The following IARS2 variants were observed in gnomAD, a reference collection of about 807,000 sequenced individuals.
IARS2 encodes isoleucine--tRNA ligase, mitochondrial.
IARS2 carries 56 observed loss-of-function variants against 126.3 expected under a neutral mutation model. The ratio of observed to expected loss-of-function variants is 0.44; its 90% CI spans 0.36 to 0.55. The LOEUF is 0.55. IARS2 is among the 20% of genes least tolerant of loss of function. The pLI is 0.00. For missense variants in IARS2, 1,127 were observed against 1,245.9 expected, an observed-to-expected ratio of 0.90 and a Z score of 1.44; for synonymous variants, 407 against 441.1, an observed-to-expected ratio of 0.92 and a Z score of 0.97.
chr1:220,124,740 G>T (rs1003506117), intron 12 of IARS2, among the ~76,000 whole-genome samples: 1 of 152,190 alleles, frequency 6.6e-6, no homozygotes, highest in East Asian at 1.9e-4. Context: ...TTCAAGCAGA[G>T]AATTCGTGTG....
In IARS2 at chr1:220,094,333, G is replaced by T. The variant is rs769346557; in HGVS notation, c.117G>T (p.Arg39Ser). The T allele has an allele frequency of 6.2e-7, 1 of 1,612,986 alleles. No homozygotes were observed. Among genetic ancestry groups the T allele is most frequent in the South Asian group, 1.1e-5 (1 of 91,040 alleles). The stretch of plus-strand genomic sequence containing the variant: ...CGGGATGGCAAGGGGCGACGAAGAG[G>T]CTTCTGGTGCGGTCGGTCTCCGGGG... ...CSPGWQGATK[R>S]LLVRSVSGAS... Residue 39 changes from arginine to serine, a missense_variant, in exon 1 of 23, where the codon AGG (arginine) becomes AGT (serine). Arg to Ser is a moderately radical substitution (Grantham distance 110). Coordinates refer to ENST00000366922, the MANE Select transcript of IARS2 (RefSeq NM_018060.4).
chr1:220,127,890 G>A (rs1486510690), intron 14 of IARS2, among the ~76,000 whole-genome samples: 1 of 137,050 alleles, frequency 7.3e-6, no homozygotes. Flanking sequence ...GTGATTTTCA[G>A]AATTATTATT....
chr1:220,119,795 C>G (rs1657001009), intron 12 of IARS2, among the ~76,000 whole-genome samples: 1 of 152,026 alleles, frequency 6.6e-6, no homozygotes, highest in African/African-American at 2.4e-5. Flanking sequence ...TTAAAAATGT[C>G]AGCTTAGCTC....
At chr1:220,112,672 C>T (rs867224913) in intron 11 of IARS2, among the ~76,000 whole-genome samples, 13 of 150,728 alleles carry the variant, frequency 8.6e-5, no homozygotes, top group African/African-American at 2.2e-4. Flanking sequence ...TATCCTCCCA[C>T]GTCAGCCTCC....
At chr1:220,129,161 C>T (rs953832473) in intron 14 of IARS2, among the ~76,000 whole-genome samples, 1 of 152,136 alleles carries the variant, frequency 6.6e-6, no homozygotes, top group South Asian at 2.1e-4. Context: ...GGATTACAGA[C>T]GTGAGCCACC....
intron 2 of IARS2, among the ~76,000 whole-genome samples, chr1:220,098,490 C>T (rs1487432912): frequency 6.6e-6 from 1 of 152,088 alleles, no homozygotes; most frequent in Non-Finnish European, 1.5e-5. Context: ...CTATAATTTG[C>T]TTTTTTCTCC....
chr1:220,139,265 A>G (rs1657440964), intron 18 of IARS2, 126 bp downstream of exon 18: 1 of 599,638 alleles, frequency 1.7e-6, no homozygotes, highest in Non-Finnish European at 2.7e-6. Context: ...TTGAAGAGAA[A>G]TATGTCCAGA....
At chr1:220,132,654 T>C (rs1468083520) in intron 14 of IARS2, among the ~76,000 whole-genome samples, 1 of 151,696 alleles carries the variant, frequency 6.6e-6, no homozygotes, top group Non-Finnish European at 1.5e-5. Flanking sequence ...TCCTCCCAAG[T>C]AGCTGGGGTT....
At chr1:220,111,149 A>T (rs1656791987) in intron 11 of IARS2, among the ~76,000 whole-genome samples, 1 of 152,160 alleles carries the variant, frequency 6.6e-6, no homozygotes, top group Non-Finnish European at 1.5e-5. Context: ...AAAGAGGTTG[A>T]GTGATTTGTC....
chr1:220,113,460 T>G (rs1656851326), intron 11 of IARS2, among the ~76,000 whole-genome samples: 1 of 152,164 alleles, frequency 6.6e-6, no homozygotes, highest in African/African-American at 2.4e-5. Flanking sequence ...TAAAATGAAG[T>G]TAACATTTTG....
chr1:220,101,721 T>C (rs1170436953), intron 3 of IARS2, among the ~76,000 whole-genome samples: 2 of 147,312 alleles, frequency 1.4e-5, no homozygotes, highest in African/African-American at 5.1e-5. Flanking sequence ...AATTTTGTGC[T>C]CGGGCGCCGT....
chr1:220,134,267 G>A (rs1657323700), intron 14 of IARS2, 135 bp from the exon 15 acceptor site: 2 of 579,626 alleles, frequency 3.5e-6, no homozygotes, highest in Non-Finnish European at 2.9e-6. Flanking sequence ...TGGTTAAGGT[G>A]GCATCTGTCA....
At chr1:220,119,279 G>A (rs1656989119) in intron 12 of IARS2, among the ~76,000 whole-genome samples, 1 of 152,080 alleles carries the variant, frequency 6.6e-6, no homozygotes, top group Admixed American at 6.6e-5. Flanking sequence ...AGGCCTTTGA[G>A]TAAAGTACAA....
At chr1:220,144,832 T>G (rs1419290742) in intron 21 of IARS2, among the ~76,000 whole-genome samples, 1 of 152,210 alleles carries the variant, frequency 6.6e-6, no homozygotes, top group Admixed American at 6.5e-5. Flanking sequence ...TTGCATAAAC[T>G]TGTTAAAACC....
chr1:220,116,771 C>G (rs1387260232), intron 12 of IARS2, among the ~76,000 whole-genome samples: 1 of 151,934 alleles, frequency 6.6e-6, no homozygotes, highest in Non-Finnish European at 1.5e-5. Context: ...ATTTTTGATA[C>G]AGTCTCACTC....
In IARS2 at chr1:220,105,942, C is replaced by T. The variant is rs764804286; in HGVS notation, c.1118C>T (p.Ala373Val). 6.2e-7 allele frequency: 1 copy of T among 1,614,044 alleles called. No homozygotes were observed. The highest frequency in any genetic ancestry group is 8.5e-7 in the Non-Finnish European group (1 of 1,179,942). ...TCSHPLIPDK[A>V]SPLLPANHVT... ...AGTCATCCATTAATTCCTGATAAAG[C>T]CTCTCCTCTTTTACCTGCAAATCAT... Residue 373 changes from alanine to valine, a missense_variant, in exon 9 of 23, where the codon GCC becomes GTC. Physicochemically the swap from Ala to Val is moderately conservative, Grantham distance 64 (BLOSUM62 0). Transcript: ENST00000366922.
chr1:220,136,653 AAG>A (rs1282170920), intron 15 of IARS2, among the ~76,000 whole-genome samples, 154 bp from the exon 16 acceptor site: 53 of 151,266 alleles, frequency 3.5e-4, no homozygotes, highest in Non-Finnish European at 5.9e-4. Flanking sequence ...AAAAAAAAAA[AAG>A]AGAAGAAAAG....
Position 220,147,894 on chromosome 1 carries a change from T to C in IARS2, c.*259T>C. 1 of 449,088 alleles carries C rather than the reference T, an allele frequency of 2.2e-6. No individual in the cohort carries two copies. Among genetic ancestry groups the C allele is most frequent in the Non-Finnish European group, 3.9e-6 (1 of 253,750 alleles). 27.8% of individuals were successfully genotyped at this position (449,088 alleles called of 1,614,324 possible). On this transcript the variant is annotated 3_prime_UTR_variant, in exon 23 of 23. Coordinates refer to ENST00000366922, the MANE Select transcript of IARS2 (RefSeq NM_018060.4). ...ATATGTATATCTCTTCCTATATATA[T>C]CCATAGTGGACTTATTCAGAACATA...
In IARS2 at chr1:220,136,930, T is replaced by C. The variant is rs751069334; in HGVS notation, c.2049+19T>C. ...AGGACAAGTAGGTGATTCTCTAAAA[T>C]GTATTTTATTTTCGTTTTAAGGATC... On this transcript the variant is annotated intron_variant, in intron 16 of 22. Coordinates refer to ENST00000366922, the MANE Select transcript of IARS2 (RefSeq NM_018060.4). 3 of 1,476,830 alleles carry C rather than the reference T, an allele frequency of 2.0e-6. No homozygotes were observed. The highest frequency in any genetic ancestry group is 2.8e-6 in the Non-Finnish European group (3 of 1,062,168). The allele number at this position is 1,476,830 out of a possible 1,614,324, so 91.5% of individuals were successfully genotyped here.
Sources: gnomAD v4.1 joint callset for allele counts (sites outside exome capture counted in the v4.1 genomes callset) on GRCh38, gnomAD v4.1.1 for gene constraint, MANE v1.5 for transcripts, NCBI Gene and HGNC (gene_info 2026-07-23, HGNC 2026-07-21) for gene names.